The following ANKRD42 variants were observed in gnomAD, a reference collection of about 807,000 sequenced individuals.
The protein encoded by ANKRD42 is ankyrin repeat domain-containing protein 42.
ANKRD42 carries 43 observed loss-of-function variants against 51.5 expected under a neutral mutation model. The observed-to-expected ratio is 0.83, with a 90% CI of 0.65 to 1.08. The LOEUF is 1.08. Among genes scored for constraint, ANKRD42 ranks in the 50% least tolerant of loss-of-function variants. ANKRD42 has a pLI of 0.00. For synonymous variants in ANKRD42, 203 were observed against 213.0 expected (o/e 0.95, Z 0.41); for missense variants, 608 against 629.3 (o/e 0.97, Z 0.36).
chr11:83,210,236 G>GCATCTGCATTTATGGTTTAA, intron 3 of ANKRD42, 64 bp from the exon 4 acceptor site: 1 of 1,508,860 alleles, frequency 6.6e-7, no homozygotes, highest in Non-Finnish European at 9.1e-7. Flanking sequence ...TGTATAATCT[G>GCATCTGCATTTATGGTTTAA]CATCTGCATT....
At chr11:83,205,103 G>C (rs972056883) in intron 2 of ANKRD42, among the ~76,000 whole-genome samples, 8 of 152,200 alleles carry the variant, frequency 5.3e-5, no homozygotes, top group Non-Finnish European at 4.4e-5. Context: ...CAGTTTGGCA[G>C]TTTTTAAAAT....
At chr11:83,214,541 G>T (rs1024702249) in intron 5 of ANKRD42, 1 of 982,694 alleles carries the variant, frequency 1.0e-6, no homozygotes, top group Non-Finnish European at 1.2e-6. Flanking sequence ...GAAAGAATGT[G>T]GCCTTAGGTC....
intron 1 of ANKRD42, among the ~76,000 whole-genome samples, chr11:83,197,408 A>G (rs1861700528): frequency 6.6e-6 from 1 of 152,258 alleles, no homozygotes; most frequent in Non-Finnish European, 1.5e-5. Flanking sequence ...GCAGTTTGCT[A>G]AGAGCAAAGA....
At chr11:83,220,690 C>T (rs558492691) in intron 5 of ANKRD42, among the ~76,000 whole-genome samples, 2 of 152,246 alleles carry the variant, frequency 1.3e-5, no homozygotes, top group African/African-American at 4.8e-5. Context: ...CCTTTCAGCA[C>T]TTTGAAAATG....
intron 2 of ANKRD42, among the ~76,000 whole-genome samples, chr11:83,202,206 C>T (rs1271941705): frequency 6.6e-6 from 1 of 152,178 alleles, no homozygotes; most frequent in East Asian, 1.9e-4. Flanking sequence ...CAGTTTTCTG[C>T]ATATGGCTAG....
At chr11:83,228,171 A>T (rs1408897743) in intron 7 of ANKRD42, among the ~76,000 whole-genome samples, 2 of 147,070 alleles carry the variant, frequency 1.4e-5, no homozygotes, top group Admixed American at 6.8e-5. Flanking sequence ...GTTTCTTAGG[A>T]TAACATTTTT....
At position 83,211,379 on chromosome 11, in the gene ANKRD42, G is replaced by C. The variant is rs1287269501; in HGVS notation, c.535G>C (p.Val179Leu). 12 of 1,614,170 alleles carry C rather than the reference G, an allele frequency of 7.4e-6. No homozygotes were observed. The highest frequency in any genetic ancestry group is 1.0e-5 in the Non-Finnish European group (12 of 1,180,012). Residue 179 changes from valine to leucine, a missense_variant, in exon 5 of 11, where the codon GTT becomes CTT. By Grantham distance (32) the Val-to-Leu change is conservative (BLOSUM62 1). Transcript: ENST00000533342. The part of the protein sequence containing the change: ...HGRLGCLQLL[V>L]KWGCSIEDVD... ...GCGGCTTGGCTGCTTGCAACTTCTTGTTAAATGGGGTTGTAGCATAGAAGA... is the reference window on the plus strand; with the variant it reads ...GCGGCTTGGCTGCTTGCAACTTCTTCTTAAATGGGGTTGTAGCATAGAAGA...
At chr11:83,212,629 T>C in intron 5 of ANKRD42, 1 of 1,512,682 alleles carries the variant, frequency 6.6e-7, no homozygotes, top group Non-Finnish European at 8.9e-7. Context: ...TGAACAGGCC[T>C]GATCAAATCA....
chr11:83,264,104 G>GTA (rs1240044200), downstream of ANKRD42, among the ~76,000 whole-genome samples: 10 of 152,282 alleles, frequency 6.6e-5, no homozygotes, highest in East Asian at 1.9e-3. Flanking sequence ...ATGTGTGTGT[G>GTA]TATGTGTATT....
At position 83,224,851 on chromosome 11, in the gene ANKRD42, C is replaced by G; in HGVS notation, c.587-4C>G. 6.3e-7 allele frequency: 1 copy of G among 1,579,236 alleles called. No individual in the cohort carries two copies. The highest frequency in any genetic ancestry group is 8.6e-7 in the Non-Finnish European group (1 of 1,163,186). On this transcript the variant is annotated splice_region_variant and splice_polypyrimidine_tract_variant and intron_variant, in intron 5 of 10. Coordinates refer to ENST00000533342, the MANE Select transcript of ANKRD42 (RefSeq NM_001300975.2). ...TTAAATTAATTTTTTTTCCTTTCCT[C>G]TAGTTCACTTAGCAGCCATGGAAGG...
exon 12 of ANKRD42, chr11:83,255,956 C>G (rs952017303): frequency 2.6e-5 from 38 of 1,484,056 alleles, no homozygotes; most frequent in Non-Finnish European, 3.4e-5. Flanking sequence ...ACTAAATTGA[C>G]CTGCTAGATT....
rs1482088683 is a variant in ANKRD42, at chr11:83,254,423, CTTTTTTCTTTTCT to C, written c.1465-1415_1465-1403del. 4.5e-3 allele frequency among the ~76,000 whole-genome samples: 602 copies of C among 132,496 alleles called. 10 individuals carry two copies. The highest frequency in any genetic ancestry group is 0.017 in the African/African-American group (559 of 33,470). The allele number at this position is 132,496 out of a possible 152,430, so 86.9% of individuals were successfully genotyped here. ...ACTCCTGCCCCACCTGAGTGTTTTT[CTTTTTTCTTTTCT>C]TTTTTTTTTTTTTGAGACAGGGTCT... On this transcript the variant is annotated intron_variant, in intron 11 of 11. Transcript: ENST00000260047.
chr11:83,240,663 G>A, intron 8 of ANKRD42, 96 bp from the exon 9 acceptor site: 1 of 1,339,852 alleles, frequency 7.5e-7, no homozygotes, highest in Non-Finnish European at 1.0e-6. Context: ...ATTGATGGCA[G>A]GGTGTACAGA....
At chr11:83,229,802 G>A (rs561288271) in intron 7 of ANKRD42, among the ~76,000 whole-genome samples, 7 of 152,178 alleles carry the variant, frequency 4.6e-5, no homozygotes, top group South Asian at 2.1e-4. Flanking sequence ...ATTATAAGTC[G>A]CAACAGCTGG....
intron 9 of ANKRD42, among the ~76,000 whole-genome samples, chr11:83,243,546 CT>C (rs1209215284): frequency 1.3e-5 from 2 of 152,160 alleles, no homozygotes; most frequent in Non-Finnish European, 2.9e-5. Flanking sequence ...CTCTTTCAGT[CT>C]TTTCTGACAT....
At position 83,240,865 on chromosome 11, in the gene ANKRD42, G is replaced by A. The variant is rs1163473131; in HGVS notation, c.1126G>A (p.Gly376Ser). The part of the protein sequence containing the change: ...ENDVKYFIRH[G>S]VEGSTDAKDD... ...TGATGTGAAATATTTTATAAGACAT[G>A]GTGTTGAGGGAAGCACTGATGCCAA... The change falls in exon 9 of 11, where the codon GGT becomes AGT. Residue 376 changes from glycine (G) to serine (S), a missense_variant. Transcript: ENST00000533342. 2 of 1,614,060 alleles carry A rather than the reference G, an allele frequency of 1.2e-6. No homozygotes were observed. The highest frequency in any genetic ancestry group is 1.7e-5 in the Admixed American group (1 of 60,014).
chr11:83,200,439 A>G (rs767218433), intron 2 of ANKRD42, among the ~76,000 whole-genome samples: 1 of 152,126 alleles, frequency 6.6e-6, no homozygotes, highest in Non-Finnish European at 1.5e-5. Context: ...AAATTCAACT[A>G]GTCTAACACT....
intron 7 of ANKRD42, 101 bp downstream of exon 7, chr11:83,227,973 T>C: frequency 1.5e-6 from 2 of 1,370,040 alleles, no homozygotes; most frequent in Non-Finnish European, 2.0e-6. Context: ...ATGAAACTTT[T>C]TTCTGATACC....
chr11:83,223,945 C>CTT (rs201525854), intron 5 of ANKRD42, among the ~76,000 whole-genome samples: 13 of 135,754 alleles, frequency 9.6e-5, no homozygotes, highest in South Asian at 4.8e-4. Flanking sequence ...AGATTCATTC[C>CTT]TTTTTTTTTT....
Sources: gnomAD v4.1 joint callset for allele counts (sites outside exome capture counted in the v4.1 genomes callset) on GRCh38, gnomAD v4.1.1 for gene constraint, MANE v1.5 for transcripts, NCBI Gene and HGNC (gene_info 2026-07-23, HGNC 2026-07-21) for gene names.